The following CNTN5 variants were observed in gnomAD, a reference collection of about 807,000 sequenced individuals.
CNTN5 encodes the protein contactin-5.
A neutral mutation model predicts 129.1 loss-of-function variants in CNTN5; 77 were observed. That is an observed-to-expected ratio of 0.60 (90% CI 0.50 to 0.72). The LOEUF is 0.72. Ranked by LOEUF, CNTN5 falls within the 30% of genes least tolerant of loss-of-function variation. The pLI, the probability that CNTN5 is intolerant of heterozygous loss-of-function variation, is 0.00. For synonymous variants in CNTN5, 509 were observed against 465.6 expected (o/e 1.09, Z -1.20); for missense variants, 1,478 against 1,328.8 (o/e 1.11, Z -1.75).
chr11:100,158,519 C>A (rs752264264), intron 13 of CNTN5, among the ~76,000 whole-genome samples: 1 of 151,490 alleles, frequency 6.6e-6, no homozygotes, highest in Admixed American at 6.6e-5. Flanking sequence ...GGGAAAAATG[C>A]GATAAAGTAG....
chr11:99,666,893 AT>A (rs1451764835), intron 3 of CNTN5, among the ~76,000 whole-genome samples: 2 of 152,098 alleles, frequency 1.3e-5, no homozygotes, highest in Admixed American at 6.6e-5. Flanking sequence ...AGGAATCTTT[AT>A]TTTTTATAAT....
intron 8 of CNTN5, among the ~76,000 whole-genome samples, chr11:99,981,272 G>A (rs75626968): frequency 2.9e-4 from 44 of 152,028 alleles, no homozygotes; most frequent in African/African-American, 1.0e-3. Context: ...AGCTGATGGT[G>A]TAACTCCTGG....
chr11:99,858,535 C>A (rs12797556), intron 6 of CNTN5, among the ~76,000 whole-genome samples: 151,838 of 151,844 alleles, frequency 1, 75,916 homozygotes, highest in Middle Eastern at 1. Flanking sequence ...CTAACAGTTG[C>A]CAAAGCTATC....
intron 13 of CNTN5, among the ~76,000 whole-genome samples, chr11:100,152,941 G>A (rs577147551): frequency 6.6e-6 from 1 of 151,918 alleles, no homozygotes; most frequent in African/African-American, 2.4e-5. Context: ...CTGAGCATGA[G>A]ATCACCATAA....
intron 15 of CNTN5, among the ~76,000 whole-genome samples, chr11:100,201,265 G>T (rs1948771722): frequency 6.6e-6 from 1 of 151,480 alleles, no homozygotes; most frequent in Admixed American, 6.6e-5. Flanking sequence ...TCCTGTAATT[G>T]TACATTGAAG....
chr11:99,248,701 G>A (rs1861945481), intron 1 of CNTN5, among the ~76,000 whole-genome samples: 1 of 151,778 alleles, frequency 6.6e-6, no homozygotes, highest in African/African-American at 2.4e-5. Flanking sequence ...AGTTTTCCCA[G>A]CACCATGTAT....
intron 13 of CNTN5, among the ~76,000 whole-genome samples, chr11:100,088,419 A>G (rs1944636052): frequency 6.6e-6 from 1 of 152,232 alleles, no homozygotes; most frequent in Admixed American, 6.6e-5. Flanking sequence ...CTGAGAAACA[A>G]AAGTTCATGC....
intron 21 of CNTN5, among the ~76,000 whole-genome samples, chr11:100,327,720 A>C (rs1032843109): frequency 5.3e-5 from 8 of 152,184 alleles, no homozygotes; most frequent in African/African-American, 1.9e-4. Context: ...AATAACACTG[A>C]GTCAAAAAAT....
chr11:99,613,636 A>T (rs745656028), intron 3 of CNTN5, among the ~76,000 whole-genome samples: 6 of 152,100 alleles, frequency 3.9e-5, no homozygotes, highest in Non-Finnish European at 7.4e-5. Flanking sequence ...TTGAAATTTT[A>T]ATCTTTATTT....
At chr11:99,303,395 A>G (rs1018096209) in intron 1 of CNTN5, among the ~76,000 whole-genome samples, 8 of 151,694 alleles carry the variant, frequency 5.3e-5, no homozygotes, top group Non-Finnish European at 1.2e-4. Flanking sequence ...AGATGACTGT[A>G]CAATTATTAA....
intron 3 of CNTN5, among the ~76,000 whole-genome samples, chr11:99,738,145 C>A (rs898407394): frequency 1.3e-5 from 2 of 152,136 alleles, no homozygotes; most frequent in African/African-American, 4.8e-5. Context: ...ATGTTGACAT[C>A]TTAACCCCAA....
At chr11:100,125,849 A>T (rs1009433382) in intron 13 of CNTN5, among the ~76,000 whole-genome samples, 1 of 151,460 alleles carries the variant, frequency 6.6e-6, no homozygotes, top group Non-Finnish European at 1.5e-5. Flanking sequence ...CTTCTCCTAG[A>T]GTTGGGTTTA....
At chr11:100,108,485 A>G (rs1454375463) in intron 13 of CNTN5, among the ~76,000 whole-genome samples, 2 of 152,164 alleles carry the variant, frequency 1.3e-5, no homozygotes, top group African/African-American at 4.8e-5. Context: ...TTCAATAAAT[A>G]CTTGCTAAAC....
chr11:100,004,441 T>C (rs1346222799), intron 9 of CNTN5, among the ~76,000 whole-genome samples: 2 of 152,206 alleles, frequency 1.3e-5, no homozygotes, highest in Non-Finnish European at 2.9e-5. Context: ...TGAATGTACA[T>C]GTTATCTAAC....
At chr11:99,368,566 A>C (rs1289141454) in intron 2 of CNTN5, among the ~76,000 whole-genome samples, 11 of 152,196 alleles carry the variant, frequency 7.2e-5, no homozygotes, top group Non-Finnish European at 1.3e-4. Flanking sequence ...CAATTATTTC[A>C]TAAGCTTTAT....
At chr11:99,917,926 C>T (rs549920454) in intron 7 of CNTN5, among the ~76,000 whole-genome samples, 4 of 152,060 alleles carry the variant, frequency 2.6e-5, no homozygotes, top group African/African-American at 4.8e-5. Context: ...GTTCAGTAAT[C>T]GTGTTTTACA....
intron 2 of CNTN5, among the ~76,000 whole-genome samples, chr11:99,338,389 T>C (rs148936908): frequency 1.1e-4 from 17 of 152,266 alleles, no homozygotes; most frequent in Admixed American, 2.0e-4. Flanking sequence ...CAAGAATGAG[T>C]AGGGCATGGT....
chr11:99,037,144 G>A (rs1239184419), intron 1 of CNTN5, among the ~76,000 whole-genome samples: 4 of 152,096 alleles, frequency 2.6e-5, no homozygotes, highest in African/African-American at 9.7e-5. Context: ...AGATAAATGA[G>A]CCTGTTTTCT....
chr11:99,886,146 C>A (rs940046583), intron 6 of CNTN5, among the ~76,000 whole-genome samples: 3 of 151,888 alleles, frequency 2.0e-5, no homozygotes, highest in African/African-American at 7.2e-5. Context: ...ATAGAAATAT[C>A]TTTATGATCT....
Sources: allele counts gnomAD v4.1 joint callset (sites outside exome capture counted in the v4.1 genomes callset), GRCh38; gene constraint gnomAD v4.1.1; transcripts MANE v1.5; gene names NCBI Gene and HGNC (gene_info 2026-07-23, HGNC 2026-07-21).